The following STOX2 variants were observed in gnomAD, a reference collection of about 807,000 sequenced individuals.
STOX2 encodes storkhead box 2.
STOX2 carries 28 observed loss-of-function variants against 60.9 expected under a neutral mutation model. That is an observed-to-expected ratio of 0.46 (90% CI 0.34 to 0.63). The LOEUF is 0.63. Among genes scored for constraint, STOX2 ranks in the 30% least tolerant of loss-of-function variants. The pLI is 0.01. For synonymous variants in STOX2, 472 were observed against 463.9 expected (o/e 1.02, Z -0.22); for missense variants, 1,024 against 1,187.7 (o/e 0.86, Z 2.03).
chr4:183,981,974 G>C (rs1362841242), intron 1 of STOX2, among the ~76,000 whole-genome samples: 1 of 152,164 alleles, frequency 6.6e-6, no homozygotes, highest in Non-Finnish European at 1.5e-5. Context: ...AGTGCATCTG[G>C]AAAAGCCTTA....
chr4:183,980,673 C>G (rs920574397), intron 1 of STOX2, among the ~76,000 whole-genome samples: 1 of 147,642 alleles, frequency 6.8e-6, no homozygotes, highest in African/African-American at 2.5e-5. Context: ...TAGTTTGGAG[C>G]GAATTTTTTT....
chr4:184,016,303 G>A (rs1044848401), intron 3 of STOX2: 3 of 152,306 alleles, frequency 2.0e-5, no homozygotes, highest in African/African-American at 7.2e-5. Context: ...AGAGGTTGCA[G>A]TGAGCTGAGA....
At chr4:183,966,610 C>CCTT (rs1743577356) in intron 1 of STOX2, among the ~76,000 whole-genome samples, 1 of 152,192 alleles carries the variant, frequency 6.6e-6, no homozygotes, top group Admixed American at 6.5e-5. Flanking sequence ...CATGAGACCA[C>CCTT]AATGCTGCAG....
At chr4:183,829,827 CAG>C (rs1739525144) in intron 1 of STOX2, among the ~76,000 whole-genome samples, 1 of 152,168 alleles carries the variant, frequency 6.6e-6, no homozygotes. Context: ...GGAAATGAAA[CAG>C]AGTAATTCTC....
chr4:183,990,433 T>C (rs1473419199), intron 1 of STOX2, among the ~76,000 whole-genome samples: 1 of 152,198 alleles, frequency 6.6e-6, no homozygotes. Context: ...GTATATCTTA[T>C]ATTCCCACCT....
chr4:183,896,212 A>C (rs1202581158), intron 1 of STOX2, among the ~76,000 whole-genome samples: 1 of 152,212 alleles, frequency 6.6e-6, no homozygotes, highest in East Asian at 1.9e-4. Context: ...AGTACCAAAT[A>C]AATGAAGTCT....
chr4:183,829,495 G>A (rs1260232518), intron 1 of STOX2, among the ~76,000 whole-genome samples: 3 of 152,104 alleles, frequency 2.0e-5, no homozygotes, highest in South Asian at 2.1e-4. Context: ...ACTTCTATGC[G>A]CCAGATTATT....
At chr4:183,834,269 A>G (rs1274847781) in intron 1 of STOX2, among the ~76,000 whole-genome samples, 5 of 152,138 alleles carry the variant, frequency 3.3e-5, no homozygotes, top group Non-Finnish European at 5.9e-5. Context: ...GGGTTTCTAA[A>G]TATTCCCATG....
intron 3 of STOX2, among the ~76,000 whole-genome samples, chr4:184,013,825 G>A (rs989316959): frequency 7.2e-5 from 11 of 152,162 alleles, no homozygotes; most frequent in African/African-American, 2.4e-4. Context: ...GTCTCACTCT[G>A]TTGCCCAGGC....
intron 1 of STOX2, among the ~76,000 whole-genome samples, chr4:183,962,868 A>G (rs1027032341): frequency 6.6e-6 from 1 of 152,212 alleles, no homozygotes; most frequent in Non-Finnish European, 1.5e-5. Flanking sequence ...ACTTTTCTTT[A>G]GAAATTCACT....
intron 1 of STOX2, among the ~76,000 whole-genome samples, chr4:183,970,458 TGC>T (rs1030154163): frequency 2.0e-5 from 3 of 152,102 alleles, no homozygotes; most frequent in Non-Finnish European, 4.4e-5. Context: ...AAGCACAGTT[TGC>T]CATTCACTGA....
intron 2 of STOX2, among the ~76,000 whole-genome samples, chr4:184,006,957 A>C (rs1733878125): frequency 7.6e-6 from 1 of 131,848 alleles, no homozygotes; most frequent in African/African-American, 2.8e-5. Flanking sequence ...CGGAGCTTGC[A>C]GTGAGCCGAG....
intron 1 of STOX2, among the ~76,000 whole-genome samples, chr4:183,884,658 A>C (rs915308764): frequency 6.6e-6 from 1 of 152,168 alleles, no homozygotes; most frequent in Admixed American, 6.5e-5. Context: ...AGCCGCGAGC[A>C]GGTGTTGAAT....
At chr4:183,904,698 G>A (rs1741540210), upstream of STOX2, among the ~76,000 whole-genome samples, 1 of 152,246 alleles carries the variant, frequency 6.6e-6, no homozygotes, top group African/African-American at 2.4e-5. Flanking sequence ...GCGGTCTTGA[G>A]ATCTGAATGA....
In STOX2 at chr4:183,960,784, G is replaced by A. The variant is rs181167183; in HGVS notation, c.167-40541G>A. Among the ~76,000 whole-genome samples, 553 of 152,238 alleles carry A rather than the reference G, an allele frequency of 3.6e-3. 3 individuals carry two copies. The highest frequency in any genetic ancestry group is 0.012 in the African/African-American group (501 of 41,548). ...TTTTTAGATTCCTTGAAATTGGCTGGTTTATATCCTAATATTGATATTATA... is the reference window on the plus strand; with the variant it reads ...TTTTTAGATTCCTTGAAATTGGCTGATTTATATCCTAATATTGATATTATA... On this transcript the variant is annotated intron_variant, in intron 1 of 3. Transcript: ENST00000308497.
intron 1 of STOX2, among the ~76,000 whole-genome samples, chr4:183,898,536 A>G (rs1741391747): frequency 6.6e-6 from 1 of 152,176 alleles, no homozygotes; most frequent in Non-Finnish European, 1.5e-5. Context: ...GGTGAGAGTT[A>G]TTTGGAAATC....
intron 2 of STOX2, among the ~76,000 whole-genome samples, chr4:184,006,707 A>G (rs889891979): frequency 2.7e-4 from 38 of 139,620 alleles, no homozygotes; most frequent in Non-Finnish European, 5.2e-4. Flanking sequence ...AAAAAAAAGG[A>G]AAAAAGAAAA....
intron 1 of STOX2, among the ~76,000 whole-genome samples, chr4:183,886,274 G>A (rs539727168): frequency 2.1e-4 from 32 of 151,156 alleles, no homozygotes; most frequent in African/African-American, 6.4e-4. Context: ...AAGATCAGGA[G>A]GGTGAAGGTT....
intron 1 of STOX2, among the ~76,000 whole-genome samples, chr4:183,866,135 C>A (rs1002622803): frequency 6.6e-6 from 1 of 152,054 alleles, no homozygotes; most frequent in South Asian, 2.1e-4. Context: ...TAATTCTTTG[C>A]GGTGAAGGAA....
Sources: allele counts gnomAD v4.1 joint callset (sites outside exome capture counted in the v4.1 genomes callset), GRCh38; gene constraint gnomAD v4.1.1; transcripts MANE v1.5; gene names NCBI Gene and HGNC (gene_info 2026-07-23, HGNC 2026-07-21).